DNMBP: variants seen among roughly 807,000 people sequenced by gnomAD.
The protein encoded by DNMBP is dynamin-binding protein.
DNMBP carries 87 observed loss-of-function variants against 150.0 expected under a neutral mutation model. The ratio of observed to expected loss-of-function variants is 0.58; its 90% CI spans 0.49 to 0.69. The LOEUF (loss-of-function observed/expected upper bound fraction) is 0.69, where lower values mean the gene tolerates loss of function less well. Among genes scored for constraint, DNMBP ranks in the 30% least tolerant of loss-of-function variants. DNMBP has a pLI of 0.00. For synonymous variants in DNMBP, 711 were observed against 750.4 expected, an observed-to-expected ratio of 0.95 and a Z score of 0.86; for missense variants, 1,774 against 1,949.0, an observed-to-expected ratio of 0.91 and a Z score of 1.69.
chr10:99,998,183 AGT>A lies in DNMBP; in HGVS notation c.-11+11653_-11+11654del, dbSNP rs1468434002. On this transcript the variant is annotated intron_variant, in intron 1 of 16. Transcript: ENST00000324109. ...CCGGGAGGTGGAGGTTGCAATGAGCAGTGATCGCGCCACTGTACTCCAGCCTG... is the reference window on the plus strand; with the variant it reads ...CCGGGAGGTGGAGGTTGCAATGAGCAGATCGCGCCACTGTACTCCAGCCTG... Among the ~76,000 whole-genome samples the A allele has an allele frequency of 4.0e-4, 60 of 148,294 alleles. 2 individuals carry two copies. Among genetic ancestry groups the A allele is most frequent in the African/African-American group, 1.5e-3 (60 of 40,084 alleles).
chr10:99,965,953 C>T (rs540348543), intron 3 of DNMBP, among the ~76,000 whole-genome samples: 1 of 152,320 alleles, frequency 6.6e-6, no homozygotes, highest in East Asian at 1.9e-4. Flanking sequence ...AACCTAGATG[C>T]AAGTCTGATA....
rs201196950 is a variant in DNMBP, at chr10:99,898,294, G to A, written c.2721-9C>T. On this transcript the variant is annotated splice_polypyrimidine_tract_variant and intron_variant, in intron 8 of 16. Coordinates refer to ENST00000324109, the MANE Select transcript of DNMBP (RefSeq NM_015221.4). ...TATAATTTGTGCATCCCCTGTAAGA[G>A]AAGGAAAAAAGACTTTAGTAAGCTA... 937 of 1,606,918 alleles carry A rather than the reference G, an allele frequency of 5.8e-4. 2 individuals carry two copies. Among genetic ancestry groups the A allele is most frequent in the Admixed American group, 1.4e-3 (82 of 59,314 alleles).
At chr10:99,933,239 T>C (rs1255680364) in intron 4 of DNMBP, among the ~76,000 whole-genome samples, 1 of 151,212 alleles carries the variant, frequency 6.6e-6, no homozygotes, top group Non-Finnish European at 1.5e-5. Context: ...AAGGCTACAA[T>C]GAGCAGTGAT....
chr10:99,903,571 A>G (rs2039778550), intron 6 of DNMBP, among the ~76,000 whole-genome samples: 1 of 152,048 alleles, frequency 6.6e-6, no homozygotes, highest in African/African-American at 2.4e-5. Context: ...GAGCTCAGCA[A>G]TCCACCCACC....
chr10:99,913,642 C>G (rs1013135048), intron 4 of DNMBP, among the ~76,000 whole-genome samples: 3 of 152,034 alleles, frequency 2.0e-5, no homozygotes, highest in African/African-American at 2.4e-5. Flanking sequence ...GCTTACCCCC[C>G]ACCCCAAGTC....
rs1336113490 is a variant in DNMBP at position 100,005,694 on chromosome 10, C to T, written c.-11+4144G>A. ...GCTTGAACCCGGGAGGCGGAGGCTG[C>T]AGTGAGCCGAGATCTCGCCACTGTA... On this transcript the variant is annotated intron_variant, in intron 1 of 16. Coordinates refer to ENST00000324109, the MANE Select transcript of DNMBP (RefSeq NM_015221.4). Among the ~76,000 whole-genome samples, 3 of 143,236 alleles carry T rather than the reference C, an allele frequency of 2.1e-5. No individual in the cohort carries two copies. In the East Asian group the frequency reaches 6.3e-4, roughly 30 times the overall value. The allele number at this position is 143,236 out of a possible 152,430, so 94.0% of individuals were successfully genotyped here.
intron 16 of DNMBP, among the ~76,000 whole-genome samples, chr10:99,877,761 G>A (rs1039030649): frequency 6.6e-6 from 1 of 152,126 alleles, no homozygotes; most frequent in South Asian, 2.1e-4. Flanking sequence ...CTACTCACGA[G>A]GCTGAGACAG....
At chr10:99,955,126 G>GT in intron 4 of DNMBP, 88 bp downstream of exon 4, 2 of 1,124,320 alleles carry the variant, frequency 1.8e-6, no homozygotes, top group South Asian at 3.1e-5. Flanking sequence ...ATCGAGGATG[G>GT]TAACATATCC....
intron 1 of DNMBP, among the ~76,000 whole-genome samples, chr10:99,982,645 T>C (rs372555925): frequency 3.3e-5 from 5 of 151,902 alleles, no homozygotes; most frequent in Admixed American, 2.0e-4. Flanking sequence ...AATTAGTCAG[T>C]ATATTCTTTC....
At position 99,877,097 on chromosome 10, in the gene DNMBP, CCCTCGGCGG is replaced by C; in HGVS notation, c.*45_*53del. ...GCGCCCTCTCGGTGGGCCGCCAGAA[CCCTCGGCGG>C]ACTGAAAGCAAAGGCAGCAAGGCTG... On this transcript the variant is annotated 3_prime_UTR_variant, in exon 17 of 17. Transcript: ENST00000324109. 1 of 1,351,138 alleles carries C rather than the reference CCCTCGGCGG, an allele frequency of 7.4e-7. No individual in the cohort carries two copies. The highest frequency in any genetic ancestry group is 2.6e-5 in the Admixed American group (1 of 38,544). The allele number at this position is 1,351,138 out of a possible 1,614,324, so 83.7% of individuals were successfully genotyped here. A position where few individuals can be genotyped will look rare whatever the true frequency, so the allele number is the denominator to read the frequency against.
At position 99,995,996 on chromosome 10, in the gene DNMBP, T is replaced by C. The variant is rs2040947451; in HGVS notation, c.-11+13842A>G. ...CTTTTCAAATACATTATCTCCTGTA[T>C]GTATTATTGCTACCTGTGAACAGTT... is the stretch of plus-strand genomic sequence containing the variant. On this transcript the variant is annotated intron_variant, in intron 1 of 16. Transcript: ENST00000324109. 2.0e-5 allele frequency among the ~76,000 whole-genome samples: 3 copies of C among 152,274 alleles called. No individual in the cohort carries two copies. In the South Asian group the frequency reaches 6.2e-4, roughly 31 times the overall value.
chr10:99,954,146 C>T (rs1381181094), intron 4 of DNMBP, among the ~76,000 whole-genome samples: 1 of 152,040 alleles, frequency 6.6e-6, no homozygotes, highest in Non-Finnish European at 1.5e-5. Flanking sequence ...AATCCTCCCA[C>T]CTCAGCCTCC....
Position 99,886,617 on chromosome 10 carries a change from G to A in DNMBP, c.3301C>T (p.Arg1101Trp), listed in dbSNP as rs773144471. 12 of 1,613,216 alleles carry A rather than the reference G, an allele frequency of 7.4e-6. No homozygotes were observed. Among genetic ancestry groups the A allele is most frequent in the Middle Eastern group, 1.6e-4 (1 of 6,080 alleles). ...LFTNFKERTE[R>W]LVISPLNQLL... Reference sequence around the variant, plus strand: ...TGATTTAAGGGGGAGATGACAAGCCGCTCTGTCCTCTCCTTCTGTAGGGAC... The same window carrying A: ...TGATTTAAGGGGGAGATGACAAGCCACTCTGTCCTCTCCTTCTGTAGGGAC... The change falls in exon 13 of 17, where the codon CGG becomes TGG. Residue 1101 changes from arginine to tryptophan, a missense_variant. Coordinates refer to ENST00000324109, the MANE Select transcript of DNMBP (RefSeq NM_015221.4).
chr10:99,971,031 A>AAAGGAAT (rs1727992151), intron 2 of DNMBP, among the ~76,000 whole-genome samples: 1 of 151,004 alleles, frequency 6.6e-6, no homozygotes, highest in African/African-American at 2.4e-5. Flanking sequence ...GGTTATGAAG[A>AAAGGAAT]AAGGAATAAC....
Position 99,955,540 on chromosome 10 carries a change from G to C in DNMBP, c.1934C>G (p.Ala645Gly), listed in dbSNP as rs2040477658. The change falls in exon 4 of 17, where the codon GCT (alanine) becomes GGT (glycine). Residue 645 changes from alanine (A) to glycine (G), a missense_variant. Around this residue, in one of 2 missense-constraint regions of DNMBP, gnomAD observed 1,430 missense variants for 1,492.5 expected, o/e 0.96. Transcript: ENST00000324109. ...CTGCTGTGCTGAGGGAGGCAGGGGA[G>C]CTGGGCGAGAGGGTCGCACCACCAA... ...PPLVVRPSRP[A>G]PLPPSAQQRT... is the part of the protein sequence containing the mutation. 2 of 1,596,986 alleles carry C rather than the reference G, an allele frequency of 1.3e-6. No homozygotes were observed. The highest frequency in any genetic ancestry group is 2.7e-5 in the African/African-American group (2 of 73,988).
In DNMBP at chr10:99,979,317, C is replaced by T. The variant is rs181805953; in HGVS notation, c.-10-7183G>A. Reference sequence around the variant, plus strand: ...ACCCAACTGGGAAAAAAATAAAGCCCGAGCACTAATCTCAAAAGGAGACAC... The same window carrying T: ...ACCCAACTGGGAAAAAAATAAAGCCTGAGCACTAATCTCAAAAGGAGACAC... On this transcript the variant is annotated intron_variant, in intron 1 of 16. Transcript: ENST00000324109. Among the ~76,000 whole-genome samples the T allele has an allele frequency of 4.6e-4, 70 of 152,246 alleles. 2 individuals are homozygous for T. In the East Asian group the frequency reaches 0.011, roughly 23 times the overall value.
chr10:99,962,682 A>T (rs1364078184), intron 3 of DNMBP, among the ~76,000 whole-genome samples: 1 of 151,960 alleles, frequency 6.6e-6, no homozygotes, highest in Admixed American at 6.5e-5. Context: ...CTCTGGCCCT[A>T]AGGCCATCCA....
Position 99,898,199 on chromosome 10 carries a change from A to G in DNMBP, c.2807T>C (p.Leu936Ser). The G allele has an allele frequency of 6.2e-7, 1 of 1,614,024 alleles. No individual in the cohort carries two copies. The highest frequency in any genetic ancestry group is 1.1e-5 in the South Asian group (1 of 91,070). The stretch of plus-strand genomic sequence containing the variant: ...GTGGGATTCTGGGGTGGAATTCAGC[A>G]ACTCCATTAGCAACAGCGGGTAACG... ...VMRYPLLLMELLNSTPESHPD... is the reference protein window; with the variant it reads ...VMRYPLLLMESLNSTPESHPD... The change falls in exon 9 of 17, where the codon TTG (leucine) becomes TCG (serine). Residue 936 changes from leucine to serine, a missense_variant. By Grantham distance (145) the Leu-to-Ser change is moderately radical (BLOSUM62 -2). Coordinates refer to ENST00000324109, the MANE Select transcript of DNMBP (RefSeq NM_015221.4).
chr10:99,912,366 A>C (rs1486273703), intron 4 of DNMBP, among the ~76,000 whole-genome samples: 1 of 152,176 alleles, frequency 6.6e-6, no homozygotes, highest in Non-Finnish European at 1.5e-5. Flanking sequence ...AACACAAAGT[A>C]CCAGCAAGCA....
Sources: allele counts gnomAD v4.1 joint callset (sites outside exome capture counted in the v4.1 genomes callset), GRCh38; gene constraint gnomAD v4.1.1; regional missense constraint gnomAD v4.1.1; transcripts MANE v1.5; gene names NCBI Gene and HGNC (gene_info 2026-07-23, HGNC 2026-07-21).